Variants in RMND5A observed in about 807,000 individuals in gnomAD.
RMND5A encodes the protein required for meiotic nuclear division 5 homolog A, also known as E3 ubiquitin-protein transferase RMND5A.
A neutral mutation model predicts 49.7 loss-of-function variants in RMND5A; 17 were observed. The observed-to-expected ratio is 0.34, with a 90% CI of 0.23 to 0.51. RMND5A has a LOEUF of 0.51. Among genes scored for constraint, RMND5A ranks in the 20% least tolerant of loss-of-function variants. The pLI is 0.96. For synonymous variants in RMND5A, 156 were observed against 167.7 expected, an observed-to-expected ratio of 0.93 and a Z score of 0.54; for missense variants, 255 against 471.3, an observed-to-expected ratio of 0.54 and a Z score of 4.25.
At chr2:86,773,146 G>A (rs1221450889) in intron 8 of RMND5A, among the ~76,000 whole-genome samples, 3 of 152,212 alleles carry the variant, frequency 2.0e-5, no homozygotes, top group African/African-American at 7.2e-5. Context: ...GGCATGGGTG[G>A]TATGTATTTG....
intron 2 of RMND5A, among the ~76,000 whole-genome samples, chr2:86,747,206 A>T (rs1178254420): frequency 1.3e-5 from 2 of 152,194 alleles, no homozygotes; most frequent in African/African-American, 4.8e-5. Flanking sequence ...ATGTTTAAAG[A>T]TTAATCAGAT....
intron 1 of RMND5A, among the ~76,000 whole-genome samples, chr2:86,733,578 TAAA>T (rs1681367123): frequency 7.0e-6 from 1 of 141,848 alleles, no homozygotes; most frequent in Non-Finnish European, 1.5e-5. Flanking sequence ...TTTAACTTAA[TAAA>T]GCAACACACG....
chr2:86,741,426 T>G (rs1374081321), intron 2 of RMND5A, among the ~76,000 whole-genome samples: 2 of 151,948 alleles, frequency 1.3e-5, no homozygotes, highest in Admixed American at 1.3e-4. Flanking sequence ...AATAATTCCC[T>G]AGCTGTGACT....
At chr2:86,771,412 C>T (rs1470286233) in intron 7 of RMND5A, 146 bp from the exon 8 acceptor site, 2 of 578,996 alleles carry the variant, frequency 3.5e-6, no homozygotes, top group African/African-American at 1.9e-5. Context: ...TAAGACTGTC[C>T]ATCTGAGTTA....
chr2:86,763,999 T>C (rs1052141555), intron 4 of RMND5A, among the ~76,000 whole-genome samples: 55 of 152,212 alleles, frequency 3.6e-4, no homozygotes, highest in African/African-American at 1.3e-3. Flanking sequence ...TTAATTAGAA[T>C]GTTTACATGC....
At chr2:86,764,225 A>G (rs1672554521) in intron 4 of RMND5A, among the ~76,000 whole-genome samples, 1 of 152,236 alleles carries the variant, frequency 6.6e-6, no homozygotes, top group South Asian at 2.1e-4. Context: ...TGGTCAAATT[A>G]AATAATATAA....
Position 86,720,462 on chromosome 2 carries a change from G to T in RMND5A, c.-206G>T, listed in dbSNP as rs577335495. ...CGAACGGGAGCAGCGGCGACTCGCCGGGGGGCTAGGGCGCCATGGGGCAGG... is the reference window on the plus strand; with the variant it reads ...CGAACGGGAGCAGCGGCGACTCGCCTGGGGGCTAGGGCGCCATGGGGCAGG... On this transcript the variant is annotated 5_prime_UTR_variant, in exon 1 of 9. Transcript: ENST00000283632. 7.4e-3 allele frequency: 1,653 copies of T among 223,882 alleles called. 11 individuals carry two copies. Among genetic ancestry groups the T allele is most frequent in the Middle Eastern group, 8.4e-3 (5 of 598 alleles). The allele number at this position is 223,882 out of a possible 1,614,324, so 13.9% of individuals were successfully genotyped here.
intron 7 of RMND5A, 123 bp downstream of exon 7, chr2:86,770,248 G>T (rs1456732827): frequency 1.4e-6 from 1 of 721,164 alleles, no homozygotes; most frequent in East Asian, 2.8e-5. Context: ...GTTCTTTTAT[G>T]GATATATAAA....
In RMND5A at chr2:86,756,460, CA is replaced by C. The variant is rs1256460398; in HGVS notation, c.521+2903del. On this transcript the variant is annotated intron_variant, in intron 4 of 8. Coordinates refer to ENST00000283632, the MANE Select transcript of RMND5A (RefSeq NM_022780.4). ...GAAACTCATTTAACTTGGTATAACC[CA>C]GTGTTTTCTCTGTGTATTTGACCAA... is the stretch of plus-strand genomic sequence containing the variant. 6.6e-5 allele frequency among the ~76,000 whole-genome samples: 10 copies of C among 152,284 alleles called. No individual in the cohort carries two copies. In the South Asian group the frequency reaches 1.2e-3, roughly 19 times the overall value.
At chr2:86,749,005 G>A (rs1220479197) in intron 2 of RMND5A, among the ~76,000 whole-genome samples, 1 of 152,132 alleles carries the variant, frequency 6.6e-6, no homozygotes, top group Non-Finnish European at 1.5e-5. Context: ...CATTTAGAGA[G>A]TTATGGGCAG....
Position 86,770,018 on chromosome 2 carries a change from C to T in RMND5A, c.855-5C>T. On this transcript the variant is annotated splice_polypyrimidine_tract_variant and splice_region_variant and intron_variant, in intron 6 of 8. Transcript: ENST00000283632. ...GCACTGACGTTTCCTCTTCTGCTCTCCCAGTTTCTCAGCAGGTTGTGTGGC... is the reference window on the plus strand; with the variant it reads ...GCACTGACGTTTCCTCTTCTGCTCTTCCAGTTTCTCAGCAGGTTGTGTGGC... 1 of 1,611,838 alleles carries T rather than the reference C, an allele frequency of 6.2e-7. No individual in the cohort carries two copies. Among genetic ancestry groups the T allele is most frequent in the Non-Finnish European group, 8.5e-7 (1 of 1,178,104 alleles).
chr2:86,752,071 GGGAACTCCTT>G, intron 3 of RMND5A, 41 bp downstream of exon 3: 1 of 1,603,466 alleles, frequency 6.2e-7, no homozygotes, highest in Non-Finnish European at 8.5e-7. Flanking sequence ...AAAGAAACAA[GGGAACTCCTT>G]GGAGTTTATA....
rs557747866 is a variant in RMND5A, at chr2:86,754,592, A to G, written c.521+1034A>G. On this transcript the variant is annotated intron_variant, in intron 4 of 8. Coordinates refer to ENST00000283632, the MANE Select transcript of RMND5A (RefSeq NM_022780.4). ...CTCAGTTCTTTCTCCTTTTTGAGACAGGGTCTCACTGTCACCCAGGCTAGA... is the reference window on the plus strand; with the variant it reads ...CTCAGTTCTTTCTCCTTTTTGAGACGGGGTCTCACTGTCACCCAGGCTAGA... Among the ~76,000 whole-genome samples the G allele has an allele frequency of 1.2e-4, 19 of 152,248 alleles. 2 individuals are homozygous for G. The highest frequency in any genetic ancestry group is 1.2e-3 in the Admixed American group (18 of 15,302).
At chr2:86,769,618 A>G (rs1254834975) in intron 6 of RMND5A, among the ~76,000 whole-genome samples, 1 of 152,058 alleles carries the variant, frequency 6.6e-6, no homozygotes, top group Non-Finnish European at 1.5e-5. Context: ...GCATGTTTTA[A>G]AACTTTATTT....
intron 6 of RMND5A, among the ~76,000 whole-genome samples, chr2:86,766,661 C>CAAAAAAAAAAAA (rs59511898): frequency 1.6e-4 from 12 of 76,986 alleles, no homozygotes; most frequent in African/African-American, 4.3e-4. Context: ...GAGACTGTCT[C>CAAAAAAAAAAAA]AAAAAAAAAA....
intron 2 of RMND5A, among the ~76,000 whole-genome samples, chr2:86,744,201 C>T (rs1252538471): frequency 6.6e-6 from 1 of 152,076 alleles, no homozygotes; most frequent in Non-Finnish European, 1.5e-5. Flanking sequence ...TGTGAATGGG[C>T]TTCTCACATA....
intron 1 of RMND5A, among the ~76,000 whole-genome samples, chr2:86,732,861 T>G: frequency 9.0e-6 from 1 of 110,848 alleles, no homozygotes; most frequent in East Asian, 2.7e-4. Context: ...GGGGACTCTT[T>G]TGTGAATGTG....
intron 4 of RMND5A, among the ~76,000 whole-genome samples, chr2:86,757,161 T>G (rs1681755333): frequency 6.6e-5 from 7 of 105,776 alleles, no homozygotes; most frequent in African/African-American, 7.8e-5. Flanking sequence ...GCAACAAGAG[T>G]GAAACTCAGT....
rs186446482 is a variant in RMND5A at position 86,766,322 on chromosome 2, C to T, written c.854+298C>T. On this transcript the variant is annotated intron_variant, in intron 6 of 8. Coordinates refer to ENST00000283632, the MANE Select transcript of RMND5A (RefSeq NM_022780.4). ...GCTAGAGCCTTAGCACAAGTTGGGG[C>T]GGTGGTACAAACTCCACGAATAGCT... 4.6e-5 allele frequency among the ~76,000 whole-genome samples: 7 copies of T among 152,220 alleles called. No homozygotes were observed. In the East Asian group the frequency reaches 9.6e-4, roughly 21 times the overall value.
Sources: gnomAD v4.1 joint callset for allele counts (sites outside exome capture counted in the v4.1 genomes callset) on GRCh38, gnomAD v4.1.1 for gene constraint, MANE v1.5 for transcripts, NCBI Gene and HGNC (gene_info 2026-07-23, HGNC 2026-07-21) for gene names.